The following RUVBL1 variants were observed in gnomAD, a reference collection of about 807,000 sequenced individuals.
RUVBL1 encodes the protein ruvB-like 1.
A neutral mutation model predicts 52.4 loss-of-function variants in RUVBL1; 4 were observed. That is an observed-to-expected ratio of 0.08 (90% CI 0.04 to 0.17). The LOEUF (loss-of-function observed/expected upper bound fraction) is 0.17, where lower values mean the gene tolerates loss of function less well. RUVBL1 is among the 10% of genes least tolerant of loss of function. The pLI is 1.00. For missense variants in RUVBL1, 298 were observed against 572.8 expected, an observed-to-expected ratio of 0.52 and a Z score of 4.90; for synonymous variants, 217 against 214.4, an observed-to-expected ratio of 1.01 and a Z score of -0.10.
chr3:128,133,346 T>C (rs1490360231), intron 1 of RUVBL1, among the ~76,000 whole-genome samples: 1 of 152,186 alleles, frequency 6.6e-6, no homozygotes, highest in Admixed American at 6.5e-5. Flanking sequence ...GACATAAGCC[T>C]GGCTAGATTC....
chr3:128,136,572 G>A (rs1264743557), intron 1 of RUVBL1, among the ~76,000 whole-genome samples: 1 of 142,322 alleles, frequency 7.0e-6, no homozygotes, highest in Non-Finnish European at 1.5e-5. Flanking sequence ...GCTGCAGTGA[G>A]CAATAATCAT....
intron 1 of RUVBL1, among the ~76,000 whole-genome samples, chr3:128,152,668 T>C (rs1229526855): frequency 1.3e-5 from 2 of 151,928 alleles, no homozygotes; most frequent in East Asian, 3.9e-4. Context: ...GTGTCCGGAG[T>C]TGGTTTCTTC....
rs567946645 is a variant in RUVBL1 at position 128,107,066 on chromosome 3, T to A, written c.362-2142A>T. ...TTACCAAGTCTACTTTAAAAAAAAA[T>A]TTTAAGTAAATAATACCAGTGGGAC... On this transcript the variant is annotated intron_variant, in intron 3 of 10. Coordinates refer to ENST00000322623, the MANE Select transcript of RUVBL1 (RefSeq NM_003707.3). Among the ~76,000 whole-genome samples the A allele has an allele frequency of 1.9e-3, 292 of 152,270 alleles. 1 individual carries two copies. Among genetic ancestry groups the A allele is most frequent in the African/African-American group, 6.5e-3 (272 of 41,554 alleles).
intron 1 of RUVBL1, among the ~76,000 whole-genome samples, chr3:128,142,628 C>T (rs1197204744): frequency 6.6e-6 from 1 of 152,146 alleles, no homozygotes. Context: ...GGCCACGTTC[C>T]TTTCCAGGGA....
In RUVBL1 at chr3:128,067,733, A is replaced by C; in HGVS notation, c.940-2513T>G. ...GTGTGCAGATAGATCGTCGTCCTTTAGGGGGCAGTTCAGAAGCTTTAAGGG... is the reference window on the plus strand; with the variant it reads ...GTGTGCAGATAGATCGTCGTCCTTTCGGGGGCAGTTCAGAAGCTTTAAGGG... On this transcript the variant is annotated intron_variant, in intron 9 of 9. Transcript: ENST00000464873. The surrounding 1 kb of genome is among the most constrained non-coding windows in gnomAD (Gnocchi z 4.1). 1 of 834,744 alleles carries C rather than the reference A, an allele frequency of 1.2e-6. No homozygotes were observed. Among genetic ancestry groups the C allele is most frequent in the Non-Finnish European group, 1.9e-6 (1 of 535,822 alleles). 51.7% of individuals were successfully genotyped at this position (834,744 alleles called of 1,614,324 possible).
chr3:128,153,467 G>C (rs1298183251), exon 1 of RUVBL1: 1 of 1,458,688 alleles, frequency 6.9e-7, no homozygotes, highest in African/African-American at 1.5e-5. Context: ...CGAGGGAGGT[G>C]AGGGGCGGGC....
intron 2 of RUVBL1, among the ~76,000 whole-genome samples, chr3:128,116,078 G>A (rs1477853274): frequency 1.3e-5 from 2 of 152,012 alleles, no homozygotes; most frequent in Non-Finnish European, 2.9e-5. Flanking sequence ...AGTGAGCCGA[G>A]ATCACTGCAC....
Position 128,069,629 on chromosome 3 carries a change from C to T in RUVBL1, c.940-4409G>A, listed in dbSNP as rs11926533. On this transcript the variant is annotated intron_variant, in intron 9 of 9. Coordinates refer to the RUVBL1 transcript ENST00000464873. ...TTGAGATCTTCGTTAAGGAGCAAAGCGAGGTTGGCAGCATGGGGGCCCTGC... is the reference window on the plus strand; with the variant it reads ...TTGAGATCTTCGTTAAGGAGCAAAGTGAGGTTGGCAGCATGGGGGCCCTGC... 17,496 of 1,614,096 alleles carry T rather than the reference C, an allele frequency of 0.011. 106 individuals carry two copies. The highest frequency in any genetic ancestry group is 0.013 in the Non-Finnish European group (15,658 of 1,180,002).
rs1576496381 is a variant in RUVBL1 at position 128,151,432 on chromosome 3, T to C, written c.-40+1771A>G. ...AACAGAGGTAAGAAATGAGGTTTATTTGAAGCCAGGCCCTGTACAAAGTCT... is the reference window on the plus strand; with the variant it reads ...AACAGAGGTAAGAAATGAGGTTTATCTGAAGCCAGGCCCTGTACAAAGTCT... On this transcript the variant is annotated intron_variant, in intron 1 of 9. Transcript: ENST00000464873. 2.0e-5 allele frequency among the ~76,000 whole-genome samples: 3 copies of C among 152,020 alleles called. No homozygotes were observed. The East Asian group carries it at 5.8e-4, about 29-fold the overall frequency.
chr3:128,152,904 G>GCCCTCC (rs1411562822), intron 1 of RUVBL1, among the ~76,000 whole-genome samples: 1,920 of 6,202 alleles, frequency 0.31, 215 homozygotes, highest in South Asian at 0.46. Context: ...ACGTCCCCCC[G>GCCCTCC]CCCTCCCCCG....
intron 1 of RUVBL1, among the ~76,000 whole-genome samples, chr3:128,151,919 G>A (rs538189085): frequency 2.0e-4 from 30 of 152,310 alleles, no homozygotes; most frequent in Non-Finnish European, 4.0e-4. Flanking sequence ...CCGCCACAGT[G>A]TTACAAAAAC....
At chr3:128,132,620 A>T (rs1393760151) in intron 1 of RUVBL1, among the ~76,000 whole-genome samples, 2 of 152,152 alleles carry the variant, frequency 1.3e-5, no homozygotes, top group Non-Finnish European at 2.9e-5. Flanking sequence ...CTCCCAGACG[A>T]CATTTCTAGA....
chr3:128,070,579 G>C (rs952971165), intron 9 of RUVBL1: 1 of 152,270 alleles, frequency 6.6e-6, no homozygotes, highest in Non-Finnish European at 1.5e-5. Flanking sequence ...CTTCTGGGCT[G>C]AAGATCACCC....
chr3:128,119,146 GA>G (rs1640242308), intron 2 of RUVBL1, among the ~76,000 whole-genome samples, 181 bp downstream of exon 2: 1 of 152,166 alleles, frequency 6.6e-6, no homozygotes, highest in African/African-American at 2.4e-5. Context: ...GGTAGGCCAG[GA>G]TAATTTGAAT....
chr3:128,119,949 A>T (rs943488523), intron 1 of RUVBL1, among the ~76,000 whole-genome samples: 1 of 152,230 alleles, frequency 6.6e-6, no homozygotes, highest in Non-Finnish European at 1.5e-5. Context: ...TGTGTGGTAA[A>T]GTTTGGATTT....
chr3:128,085,229 A>G (rs1353955574), intron 9 of RUVBL1: 1 of 152,262 alleles, frequency 6.6e-6, no homozygotes, highest in Non-Finnish European at 1.5e-5. Context: ...CCTAATGACA[A>G]TCTTGCAAAG....
upstream of RUVBL1, among the ~76,000 whole-genome samples, chr3:128,124,376 C>T (rs1943749233): frequency 6.6e-6 from 1 of 151,844 alleles, no homozygotes; most frequent in African/African-American, 2.4e-5. Context: ...CAAAATTCCA[C>T]AGCCCTGTAA....
chr3:128,108,353 T>G (rs1270870614), intron 3 of RUVBL1, among the ~76,000 whole-genome samples: 2 of 152,186 alleles, frequency 1.3e-5, no homozygotes, highest in South Asian at 2.1e-4. Context: ...ATGGTACTAC[T>G]GTCCCCTCCC....
intron 1 of RUVBL1, among the ~76,000 whole-genome samples, chr3:128,150,993 TTA>T (rs1170748199): frequency 1.0e-4 from 9 of 86,860 alleles, no homozygotes; most frequent in South Asian, 3.2e-4. Flanking sequence ...TCTATATATA[TTA>T]TATATATTAT....
Sources: gnomAD v4.1 joint callset for allele counts (sites outside exome capture counted in the v4.1 genomes callset) on GRCh38, gnomAD v4.1.1 for gene constraint, Gnocchi (gnomAD v3.1) non-coding constraint, MANE v1.5 for transcripts, NCBI Gene and HGNC (gene_info 2026-07-23, HGNC 2026-07-21) for gene names.